The following RBMS3 variants were observed in gnomAD, a reference collection of about 807,000 sequenced individuals.
RBMS3 encodes the protein RNA-binding motif, single-stranded-interacting protein 3.
Under a neutral mutation model 66.8 loss-of-function variants are expected in RBMS3, and 27 were observed. The observed-to-expected ratio is 0.40, with a 90% CI of 0.30 to 0.56. The LOEUF is 0.56. Among genes scored for constraint, RBMS3 ranks in the 20% least tolerant of loss-of-function variants. RBMS3 has a pLI of 0.40. For synonymous variants in RBMS3, 188 were observed against 183.0 expected (o/e 1.03, Z -0.22); for missense variants, 513 against 549.5 (o/e 0.93, Z 0.66).
intron 3 of RBMS3, among the ~76,000 whole-genome samples, chr3:29,493,625 G>A (rs2043631678): frequency 6.7e-6 from 1 of 148,462 alleles, no homozygotes; most frequent in Non-Finnish European, 1.5e-5. Flanking sequence ...AATCTGTTCT[G>A]TTTTTTTGGG....
chr3:29,466,339 C>T (rs1020861669), intron 2 of RBMS3, among the ~76,000 whole-genome samples: 1 of 152,016 alleles, frequency 6.6e-6, no homozygotes. Context: ...GTTTCACACT[C>T]GTCTTTCAAG....
At chr3:29,704,148 C>T (rs1427045555) in intron 4 of RBMS3, among the ~76,000 whole-genome samples, 1 of 152,122 alleles carries the variant, frequency 6.6e-6, no homozygotes, top group African/African-American at 2.4e-5. Context: ...TTATATATTA[C>T]AATGTAATAG....
At chr3:29,760,659 TAA>T (rs5847593) in intron 5 of RBMS3, among the ~76,000 whole-genome samples, 1 of 144,094 alleles carries the variant, frequency 6.9e-6, no homozygotes. Context: ...ATTTTCTACT[TAA>T]AAAAAAAAAA....
At chr3:29,500,614 C>T (rs77197342) in intron 3 of RBMS3, among the ~76,000 whole-genome samples, 2,188 of 151,970 alleles carry the variant, frequency 0.014, 22 homozygotes, top group Middle Eastern at 0.038. Context: ...TTACCATTGC[C>T]TACAGTATTC....
At chr3:29,417,660 C>G (rs1164791800) in intron 1 of RBMS3, among the ~76,000 whole-genome samples, 3 of 151,984 alleles carry the variant, frequency 2.0e-5, no homozygotes, top group Non-Finnish European at 4.4e-5. Flanking sequence ...TGTTTCAAAA[C>G]AGAGATATGT....
chr3:29,992,312 C>T (rs1164930418), intron 14 of RBMS3, among the ~76,000 whole-genome samples: 5 of 152,264 alleles, frequency 3.3e-5, no homozygotes, highest in African/African-American at 9.6e-5. Flanking sequence ...TTAGGCCGGG[C>T]GCAGTGGCTC....
intron 14 of RBMS3, among the ~76,000 whole-genome samples, chr3:29,995,117 G>T (rs1320600360): frequency 1.3e-5 from 2 of 152,192 alleles, no homozygotes; most frequent in Non-Finnish European, 1.5e-5. Flanking sequence ...CAAGAACTAC[G>T]TGAAGAATGC....
intron 3 of RBMS3, among the ~76,000 whole-genome samples, chr3:29,577,955 G>T (rs796363948): frequency 3.9e-5 from 6 of 152,248 alleles, no homozygotes; most frequent in African/African-American, 1.4e-4. Flanking sequence ...TGTTCCTGCT[G>T]GGGGTACAAA....
chr3:29,307,706 A>C (rs1220244451), intron 1 of RBMS3, among the ~76,000 whole-genome samples: 3 of 151,856 alleles, frequency 2.0e-5, no homozygotes, highest in Non-Finnish European at 2.9e-5. Context: ...AAAACATGTT[A>C]TTTATGGGTT....
chr3:29,535,474 A>C (rs9879838), intron 3 of RBMS3, among the ~76,000 whole-genome samples: 27,182 of 151,972 alleles, frequency 0.18, 3,961 homozygotes, highest in African/African-American at 0.4. Context: ...CAGTAAATTC[A>C]TTCTGCCTTT....
At chr3:29,772,030 TA>T (rs1311427987) in intron 6 of RBMS3, among the ~76,000 whole-genome samples, 1 of 152,110 alleles carries the variant, frequency 6.6e-6, no homozygotes, top group East Asian at 1.9e-4. Context: ...GGGCCCAGTG[TA>T]ATTAGAAGCA....
intron 1 of RBMS3, among the ~76,000 whole-genome samples, chr3:29,419,946 C>T (rs752185159): frequency 1.3e-5 from 2 of 152,058 alleles, no homozygotes; most frequent in East Asian, 1.9e-4. Context: ...TTTGCTTTGG[C>T]GATGGATGCT....
intron 1 of RBMS3, among the ~76,000 whole-genome samples, chr3:29,343,280 T>A (rs2036387595): frequency 6.6e-6 from 1 of 152,130 alleles, no homozygotes; most frequent in Non-Finnish European, 1.5e-5. Flanking sequence ...TTAAAAGAAA[T>A]TTCTTAAGAT....
At chr3:29,391,715 T>G (rs980808085) in intron 1 of RBMS3, among the ~76,000 whole-genome samples, 11 of 152,144 alleles carry the variant, frequency 7.2e-5, no homozygotes, top group African/African-American at 2.4e-4. Flanking sequence ...GAAAAGATGT[T>G]CATATCAACT....
intron 14 of RBMS3, among the ~76,000 whole-genome samples, chr3:29,993,792 C>T (rs1057344182): frequency 2.0e-5 from 3 of 152,244 alleles, no homozygotes; most frequent in Non-Finnish European, 2.9e-5. Flanking sequence ...CAGACTCAAA[C>T]TAGAATTACA....
intron 1 of RBMS3, among the ~76,000 whole-genome samples, chr3:29,335,265 C>A (rs1486018299): frequency 6.6e-6 from 1 of 152,116 alleles, no homozygotes; most frequent in African/African-American, 2.4e-5. Flanking sequence ...TTGATTCAAT[C>A]TCCAATGATA....
intron 2 of RBMS3, among the ~76,000 whole-genome samples, chr3:29,451,143 C>G (rs2042005735): frequency 6.6e-6 from 1 of 152,166 alleles, no homozygotes; most frequent in Non-Finnish European, 1.5e-5. Flanking sequence ...TTTCTGACAT[C>G]TTATACTCTT....
intron 1 of RBMS3, among the ~76,000 whole-genome samples, chr3:29,315,717 T>G (rs1016436475): frequency 2.0e-5 from 3 of 151,766 alleles, no homozygotes; most frequent in African/African-American, 7.2e-5. Flanking sequence ...ACAATCATGC[T>G]GCAGTGAACA....
Position 29,936,674 on chromosome 3 carries a change from T to C in RBMS3, c.1050+478T>C, listed in dbSNP as rs2061272749. Among the ~76,000 whole-genome samples, 4 of 152,044 alleles carry C rather than the reference T, an allele frequency of 2.6e-5. No individual in the cohort carries two copies. The South Asian group carries it at 8.3e-4, about 31-fold the overall frequency. On this transcript the variant is annotated intron_variant, in intron 11 of 14. Coordinates refer to ENST00000383767, the MANE Select transcript of RBMS3 (RefSeq NM_001003793.3). ...ATCGAGTTCTTTTAATCCTTCTTTCTGATATGTTGATATGGATGATGTTGA... is the reference window on the plus strand; with the variant it reads ...ATCGAGTTCTTTTAATCCTTCTTTCCGATATGTTGATATGGATGATGTTGA...
Sources: gnomAD v4.1 joint callset for allele counts (sites outside exome capture counted in the v4.1 genomes callset) on GRCh38, gnomAD v4.1.1 for gene constraint, MANE v1.5 for transcripts, NCBI Gene and HGNC (gene_info 2026-07-23, HGNC 2026-07-21) for gene names.